STARD8: variants seen among roughly 807,000 people sequenced by gnomAD.
STARD8 encodes stAR-related lipid transfer protein 8.
A neutral mutation model predicts 69.4 loss-of-function variants in STARD8; 25 were observed. The observed-to-expected ratio is 0.36, with a 90% CI of 0.26 to 0.50. The LOEUF is 0.50. Among genes scored for constraint, STARD8 ranks in the 20% least tolerant of loss-of-function variants. The pLI, the probability that STARD8 is intolerant of heterozygous loss-of-function variation, is 0.96. For missense variants in STARD8, 921 were observed against 932.5 expected (o/e 0.99, Z 0.16); for synonymous variants, 389 against 374.6 (o/e 1.04, Z -0.45).
intron 1 of STARD8, among the ~76,000 whole-genome samples, chrX:68,661,964 CTCTCTCTCTTTCTTTCTTTCTTTCTT>C (rs1489058397): frequency 3.3e-4 from 26 of 79,483 alleles, no homozygotes; most frequent in African/African-American, 1.8e-3. Flanking sequence ...CTCTCTCTCT[CTCTCTCTCTTTCTTTCTTTCTTTCTT>C]TCTTTCTTTC....
intron 2 of STARD8, among the ~76,000 whole-genome samples, chrX:68,695,513 C>G (rs755234242): frequency 9.0e-6 from 1 of 111,472 alleles, no homozygotes; most frequent in Non-Finnish European, 1.9e-5. Flanking sequence ...CTCTGTGCAT[C>G]TACAGCTCCC....
chrX:68,670,846 G>A (rs762284721), intron 2 of STARD8, among the ~76,000 whole-genome samples: 1 of 111,626 alleles, frequency 9.0e-6, no homozygotes, highest in South Asian at 3.8e-4. Flanking sequence ...GCGTTACCTG[G>A]ACTCCATTTT....
intron 2 of STARD8, among the ~76,000 whole-genome samples, chrX:68,694,783 G>T (rs950609554): frequency 9.0e-6 from 1 of 111,451 alleles, no homozygotes; most frequent in African/African-American, 3.3e-5. Flanking sequence ...GAGCTTTGTG[G>T]TGATTATGCA....
chrX:68,678,148 T>C (rs747734199), intron 2 of STARD8, among the ~76,000 whole-genome samples: 1 of 110,693 alleles, frequency 9.0e-6, no homozygotes, highest in East Asian at 2.9e-4. Context: ...TCAAGGAAAC[T>C]AGCCTGGGGA....
chrX:68,668,977 A>C (rs2079711472), intron 2 of STARD8, among the ~76,000 whole-genome samples: 2 of 111,635 alleles, frequency 1.8e-5, no homozygotes, highest in Non-Finnish European at 3.8e-5. Flanking sequence ...AAATCATCCT[A>C]TGCCAACATA....
At chrX:68,679,600 AG>A (rs1179470563) in intron 2 of STARD8, among the ~76,000 whole-genome samples, 1 of 112,057 alleles carries the variant, frequency 8.9e-6, no homozygotes, top group Non-Finnish European at 1.9e-5. Context: ...GAGAGTGAGC[AG>A]GAGGGAAGGG....
intron 11 of STARD8, 24 bp downstream of exon 11, chrX:68,722,185 C>T: frequency 8.6e-7 from 1 of 1,156,958 alleles, no homozygotes; most frequent in African/African-American, 1.8e-5. Flanking sequence ...GGCCATGACA[C>T]CTACTTACCA....
rs2079525012 is a variant in STARD8, at chrX:68,647,907, T to G, written c.25T>G (p.Ser9Ala). 1.7e-6 allele frequency: 2 copies of G among 1,201,012 alleles called. No homozygotes were observed. The highest frequency in any genetic ancestry group is 1.1e-6 in the Non-Finnish European group (1 of 890,155). ...CATGCCTCTGCTGGACGTTTTCTGG[T>G]CTTGCTTCAGGAAGGTGAAGGTAAG... is the stretch of plus-strand genomic sequence containing the variant. MPLLDVFW[S>A]CFRKVKCFPL... The change falls in exon 1 of 15, where the codon TCT becomes GCT. Residue 9 changes from serine (S) to alanine (A), a missense_variant. Physicochemically the swap from Ser to Ala is moderately conservative, Grantham distance 99. Transcript: ENST00000374599.
chrX:68,712,377 T>C (rs1270888773), intron 2 of STARD8, among the ~76,000 whole-genome samples: 1 of 112,606 alleles, frequency 8.9e-6, no homozygotes, highest in African/African-American at 3.2e-5. Context: ...AAAATGGGGA[T>C]AGCAAAGCCA....
rs1400633922 is a variant in STARD8, at chrX:68,717,571, G to A, written c.657G>A (p.Lys219=). 1 of 1,210,162 alleles carries A rather than the reference G, an allele frequency of 8.3e-7. No homozygotes were observed. The highest frequency in any genetic ancestry group is 1.7e-5 in the African/African-American group (1 of 57,280). The change falls in exon 6 of 15, where the codon AAG becomes AAA. Residue 219 remains lysine, a synonymous_variant. Coordinates refer to ENST00000374599, the MANE Select transcript of STARD8 (RefSeq NM_001142503.3). ...FLKHLESLRR[K]EKSGSQQAEP... ...AGCACCTTGAATCTCTGAGGCGGAA[G>A]GAAAAGAGTGGCAGCCAGCAAGCAG... is the stretch of plus-strand genomic sequence containing the variant.
Position 68,647,792 on chromosome X carries a change from GC to G in STARD8, c.-87del. 9.1e-7 allele frequency: 1 copy of G among 1,102,781 alleles called. No homozygotes were observed. Among genetic ancestry groups the G allele is most frequent in the East Asian group, 3.4e-5 (1 of 29,654 alleles). The allele number at this position is 1,102,781 out of a possible 1,213,427, so 90.9% of individuals were successfully genotyped here. A position where few individuals can be genotyped will look rare whatever the true frequency, so the allele number is the denominator to read the frequency against. ...CAGGGACCGGGCTGGCTCTCGCCGA[GC>G]CCCGGGCCTCTTTTAGCCTCGTCCC... On this transcript the variant is annotated 5_prime_UTR_variant, in exon 1 of 15. The change abolishes the stop of an existing upstream ORF in the 5' untranslated region. Coordinates refer to ENST00000374599, the MANE Select transcript of STARD8 (RefSeq NM_001142503.3).
intron 1 of STARD8, among the ~76,000 whole-genome samples, chrX:68,652,996 AC>A (rs1456031682): frequency 2.1e-5 from 1 of 47,491 alleles, no homozygotes; most frequent in Non-Finnish European, 4.0e-5. Context: ...CACACCACAC[AC>A]CACACACACA....
intron 1 of STARD8, among the ~76,000 whole-genome samples, chrX:68,653,301 A>AT (rs2079581530): frequency 2.2e-5 from 1 of 46,472 alleles, no homozygotes; most frequent in East Asian, 8.1e-4. Context: ...CACACCACAC[A>AT]CACACCACAC....
At chrX:68,693,601 T>C in intron 2 of STARD8, 1 of 747,602 alleles carries the variant, frequency 1.3e-6, no homozygotes, top group Non-Finnish European at 1.6e-6. Context: ...GGGCGGGGCG[T>C]CCCTACAGCC....
Position 68,706,543 on chromosome X carries a change from GGA to G in STARD8, c.80-6365_80-6364del, listed in dbSNP as rs752649048. Among the ~76,000 whole-genome samples the G allele has an allele frequency of 4.0e-3, 446 of 112,221 alleles. 4 individuals are homozygous for G. The highest frequency in any genetic ancestry group is 0.014 in the African/African-American group (425 of 30,861). The stretch of plus-strand genomic sequence containing the variant: ...AGGTCCCTTTCCCACTGTCCCCCAG[GGA>G]GAGAGGTGGCATAGCCAGTCAGCCA... On this transcript the variant is annotated intron_variant, in intron 2 of 14. Transcript: ENST00000374599.
At chrX:68,653,320 A>C (rs1477422376) in intron 1 of STARD8, among the ~76,000 whole-genome samples, 45 of 15,335 alleles carry the variant, frequency 2.9e-3, no homozygotes, top group Non-Finnish European at 4.0e-3. Flanking sequence ...ACCACACACC[A>C]CACACACACA....
At chrX:68,668,948 G>A (rs2079711214) in intron 2 of STARD8, among the ~76,000 whole-genome samples, 2 of 111,620 alleles carry the variant, frequency 1.8e-5, no homozygotes, top group African/African-American at 6.5e-5. Context: ...TCATGATGCA[G>A]ATGCCAATGT....
intron 5 of STARD8, 99 bp from the exon 6 acceptor site, chrX:68,717,113 A>G: frequency 6.6e-6 from 7 of 1,065,446 alleles, no homozygotes; most frequent in East Asian, 3.5e-5. Context: ...AGGGCCCTTC[A>G]CCTCAGAGTC....
At chrX:68,660,097 T>G (rs1490083717) in intron 1 of STARD8, among the ~76,000 whole-genome samples, 1 of 110,727 alleles carries the variant, frequency 9.0e-6, no homozygotes, top group Admixed American at 9.6e-5. Context: ...TCCAAGCCAG[T>G]GTGGGACAGC....
Sources: allele counts gnomAD v4.1 joint callset (sites outside exome capture counted in the v4.1 genomes callset), GRCh38; gene constraint gnomAD v4.1.1; transcripts MANE v1.5; gene names NCBI Gene and HGNC (gene_info 2026-07-23, HGNC 2026-07-21).